Variants in CDH18 observed in about 807,000 individuals in gnomAD.
The protein encoded by CDH18 is cadherin-18.
In CDH18, 31 loss-of-function variants were observed where a neutral mutation model predicts 67.9. That is an observed-to-expected ratio of 0.46 (90% CI 0.34 to 0.62). CDH18 has a LOEUF of 0.62. Ranked by LOEUF, CDH18 falls within the 20% of genes least tolerant of loss-of-function variation. CDH18 has a pLI of 0.01. For missense variants in CDH18, 890 were observed against 975.5 expected (o/e 0.91, Z 1.17); for synonymous variants, 362 against 347.2 (o/e 1.04, Z -0.48).
At chr5:20,396,348 G>A (rs927448449) in intron 1 of CDH18, among the ~76,000 whole-genome samples, 5 of 151,410 alleles carry the variant, frequency 3.3e-5, no homozygotes, top group African/African-American at 1.2e-4. Flanking sequence ...TGTGTTGAGT[G>A]GTATTCAAAT....
intron 1 of CDH18, among the ~76,000 whole-genome samples, chr5:20,532,592 G>A (rs1416720780): frequency 6.6e-6 from 1 of 152,072 alleles, no homozygotes; most frequent in Non-Finnish European, 1.5e-5. Flanking sequence ...AGAGGTCCAA[G>A]ATGATATGCA....
chr5:20,132,873 G>A (rs968161112), intron 2 of CDH18, among the ~76,000 whole-genome samples: 8 of 152,016 alleles, frequency 5.3e-5, no homozygotes, highest in Admixed American at 2.6e-4. Flanking sequence ...GAGTAAAAAC[G>A]TTATTTTCCT....
chr5:20,175,305 A>G (rs1178611082), intron 2 of CDH18, among the ~76,000 whole-genome samples: 1 of 152,114 alleles, frequency 6.6e-6, no homozygotes, highest in Non-Finnish European at 1.5e-5. Flanking sequence ...CCAGCCTGAC[A>G]ATAGAAGTGA....
intron 2 of CDH18, among the ~76,000 whole-genome samples, chr5:20,079,899 A>G (rs1744301905): frequency 6.6e-6 from 1 of 152,010 alleles, no homozygotes; most frequent in African/African-American, 2.4e-5. Flanking sequence ...TTGTATTTTG[A>G]CAAAGCTGAG....
intron 1 of CDH18, among the ~76,000 whole-genome samples, chr5:20,349,036 C>T (rs1452569107): frequency 6.6e-6 from 1 of 152,120 alleles, no homozygotes; most frequent in Non-Finnish European, 1.5e-5. Context: ...AAAAACATTA[C>T]TCATCAAAGT....
intron 2 of CDH18, among the ~76,000 whole-genome samples, chr5:20,237,690 T>G (rs1487078038): frequency 6.6e-6 from 1 of 151,966 alleles, no homozygotes; most frequent in Non-Finnish European, 1.5e-5. Context: ...AGCAAAACCT[T>G]GCTCCTGTGT....
At chr5:20,199,598 T>C (rs1397629361) in intron 2 of CDH18, among the ~76,000 whole-genome samples, 1 of 152,190 alleles carries the variant, frequency 6.6e-6, no homozygotes, top group Non-Finnish European at 1.5e-5. Flanking sequence ...TGGAATGAGT[T>C]AAGACTTTGG....
intron 9 of CDH18, among the ~76,000 whole-genome samples, chr5:19,522,889 C>T (rs1454296805): frequency 8.8e-6 from 1 of 113,614 alleles, no homozygotes; most frequent in East Asian, 2.4e-4. Context: ...AGTGAGACTC[C>T]TTCTCAAAAA....
chr5:20,190,547 C>T (rs2126715647), intron 2 of CDH18, among the ~76,000 whole-genome samples: 1 of 152,072 alleles, frequency 6.6e-6, no homozygotes, highest in African/African-American at 2.4e-5. Context: ...TTAATCTATC[C>T]CACTACCTAA....
At chr5:20,002,959 C>CAA (rs1325779187) in intron 2 of CDH18, among the ~76,000 whole-genome samples, 73 of 100,762 alleles carry the variant, frequency 7.2e-4, no homozygotes, top group Middle Eastern at 0.012. Flanking sequence ...GGAAACCAAC[C>CAA]AAAAAAAAAA....
chr5:19,858,718 C>A (rs1188140275), intron 2 of CDH18, among the ~76,000 whole-genome samples: 1 of 152,084 alleles, frequency 6.6e-6, no homozygotes, highest in Non-Finnish European at 1.5e-5. Flanking sequence ...AATGTTCTTG[C>A]ACTAGAACTC....
At chr5:19,790,624 T>C (rs1476988343) in intron 3 of CDH18, among the ~76,000 whole-genome samples, 2 of 152,122 alleles carry the variant, frequency 1.3e-5, no homozygotes, top group Non-Finnish European at 2.9e-5. Context: ...TTCATCTGTG[T>C]TGAGGATTTG....
chr5:20,503,729 A>G (rs1754478042), intron 1 of CDH18, among the ~76,000 whole-genome samples: 2 of 152,146 alleles, frequency 1.3e-5, no homozygotes, highest in Non-Finnish European at 2.9e-5. Flanking sequence ...ACATTTTGAC[A>G]TGTGCATAGG....
intron 1 of CDH18, among the ~76,000 whole-genome samples, chr5:20,288,355 T>G (rs1019973486): frequency 4.6e-5 from 7 of 151,672 alleles, no homozygotes; most frequent in Non-Finnish European, 8.9e-5. Flanking sequence ...AATAAAATAC[T>G]AGCATGTCCC....
chr5:20,010,566 A>G (rs1737339760), intron 2 of CDH18, among the ~76,000 whole-genome samples: 1 of 152,112 alleles, frequency 6.6e-6, no homozygotes, highest in Admixed American at 6.6e-5. Flanking sequence ...TCAAATGAAT[A>G]TCTCATAAAA....
chr5:20,438,327 C>T (rs556560521), intron 1 of CDH18, among the ~76,000 whole-genome samples: 1 of 150,612 alleles, frequency 6.6e-6, no homozygotes, highest in African/African-American at 2.4e-5. Flanking sequence ...AATAAATGAA[C>T]AGCAAATGTA....
intron 1 of CDH18, among the ~76,000 whole-genome samples, chr5:20,373,914 T>C (rs1743209758): frequency 6.6e-6 from 1 of 152,154 alleles, no homozygotes; most frequent in African/African-American, 2.4e-5. Flanking sequence ...TTTTATAAAA[T>C]TCAGTTTAAA....
At chr5:19,942,173 A>G (rs1794894195) in intron 2 of CDH18, among the ~76,000 whole-genome samples, 1 of 152,182 alleles carries the variant, frequency 6.6e-6, no homozygotes, top group Non-Finnish European at 1.5e-5. Context: ...ATGATGTTCC[A>G]TTCCCAACTA....
intron 1 of CDH18, among the ~76,000 whole-genome samples, chr5:20,500,400 C>G (rs1270256792): frequency 6.6e-6 from 1 of 152,072 alleles, no homozygotes; most frequent in Non-Finnish European, 1.5e-5. Flanking sequence ...GAAACAAATT[C>G]TAATATTTAA....
Sources: allele counts gnomAD v4.1 joint callset (sites outside exome capture counted in the v4.1 genomes callset), GRCh38; gene constraint gnomAD v4.1.1; transcripts MANE v1.5; gene names NCBI Gene and HGNC (gene_info 2026-07-23, HGNC 2026-07-21).